The following CAB39 variants were observed in gnomAD, a reference collection of about 807,000 sequenced individuals.
The protein encoded by CAB39 is calcium-binding protein 39.
CAB39 carries 8 observed loss-of-function variants against 40.0 expected under a neutral mutation model. The observed-to-expected ratio is 0.20, with a 90% CI of 0.12 to 0.36. The LOEUF is 0.36. Among genes scored for constraint, CAB39 ranks in the 10% least tolerant of loss-of-function variants. The pLI is 1.00. For synonymous variants in CAB39, 156 were observed against 141.6 expected (o/e 1.10, Z -0.72); for missense variants, 270 against 401.1 (o/e 0.67, Z 2.79).
chr2:230,798,982 C>A, intron 5 of CAB39, 85 bp downstream of exon 5: 3 of 997,764 alleles, frequency 3.0e-6, no homozygotes, highest in Non-Finnish European at 4.4e-6. Context: ...CCTAAATCTA[C>A]ACGTGGCTGC....
rs72995226 is a variant in CAB39, at chr2:230,788,485, G to A, written c.115-2387G>A. Among the ~76,000 whole-genome samples the A allele has an allele frequency of 4.0e-3, 605 of 152,180 alleles. 5 individuals are homozygous for A. Among genetic ancestry groups the A allele is most frequent in the Non-Finnish European group, 7.0e-3 (476 of 67,982 alleles). ...AGAGCCAATTCTCTTTTAAATAAAA[G>A]GGAAAATTTTGTTTAATACTGTCTT... On this transcript the variant is annotated intron_variant, in intron 2 of 8. Transcript: ENST00000258418.
chr2:230,784,678 G>A (rs1177252539), intron 2 of CAB39, among the ~76,000 whole-genome samples: 1 of 152,170 alleles, frequency 6.6e-6, no homozygotes, highest in Non-Finnish European at 1.5e-5. Context: ...TCCGAATCCT[G>A]TGGAAAGTTC....
intron 1 of CAB39, among the ~76,000 whole-genome samples, chr2:230,716,607 G>T (rs1694354331): frequency 6.6e-6 from 1 of 152,116 alleles, no homozygotes; most frequent in Non-Finnish European, 1.5e-5. Flanking sequence ...TCATTCTGTT[G>T]CCCAGGCTGG....
At chr2:230,727,458 A>C (rs187789419) in intron 1 of CAB39, among the ~76,000 whole-genome samples, 15 of 133,518 alleles carry the variant, frequency 1.1e-4, no homozygotes, top group Non-Finnish European at 1.9e-4. Context: ...TCTATCACCC[A>C]CGCTGGAGTG....
intron 1 of CAB39, among the ~76,000 whole-genome samples, chr2:230,743,213 TC>T (rs1694914150): frequency 6.6e-6 from 1 of 152,148 alleles, no homozygotes; most frequent in Non-Finnish European, 1.5e-5. Context: ...TTCTTTCCCT[TC>T]ACTCACTCTA....
chr2:230,818,061 A>T, intron 8 of CAB39, 164 bp downstream of exon 8: 1 of 628,132 alleles, frequency 1.6e-6, no homozygotes, highest in Non-Finnish European at 2.7e-6. Context: ...AGAAAGGTAG[A>T]CCTGGAAACG....
chr2:230,753,230 T>G (rs1575921741), intron 1 of CAB39, among the ~76,000 whole-genome samples: 1 of 152,338 alleles, frequency 6.6e-6, no homozygotes, highest in East Asian at 1.9e-4. Flanking sequence ...CGGATTCAGC[T>G]TGCAGTGTTG....
At chr2:230,763,610 G>A (rs562500442) in intron 2 of CAB39, among the ~76,000 whole-genome samples, 1 of 151,396 alleles carries the variant, frequency 6.6e-6, no homozygotes, top group African/African-American at 2.4e-5. Flanking sequence ...AAACAAAGAC[G>A]AGAAAAAGAA....
intron 1 of CAB39, among the ~76,000 whole-genome samples, chr2:230,732,628 CAG>C (rs758747968): frequency 2.0e-4 from 31 of 152,054 alleles, no homozygotes; most frequent in Non-Finnish European, 4.1e-4. Context: ...GTGCATGAAT[CAG>C]GGTAAAATCG....
At chr2:230,778,232 A>G (rs1252428894) in intron 2 of CAB39, among the ~76,000 whole-genome samples, 5 of 152,136 alleles carry the variant, frequency 3.3e-5, no homozygotes, top group Non-Finnish European at 2.9e-5. Flanking sequence ...CTTGTATCTC[A>G]CCAAGTAAAG....
At chr2:230,805,648 A>G (rs980064364) in intron 5 of CAB39, among the ~76,000 whole-genome samples, 7 of 152,262 alleles carry the variant, frequency 4.6e-5, no homozygotes, top group Non-Finnish European at 5.9e-5. Flanking sequence ...CACAGTGTCT[A>G]TGCAGTAAAC....
Position 230,814,116 on chromosome 2 carries a change from T to C in CAB39, c.693+2T>C. On this transcript the variant is annotated splice_donor_variant, in intron 7 of 8. Transcript: ENST00000258418. LOFTEE classifies it high-confidence loss of function. ...GTGACAAAAAGACAGTCACTGAAGG[T>C]ATGACAGACCATTTTGTATAGCTTA... is the stretch of plus-strand genomic sequence containing the variant. 7.1e-7 allele frequency: 1 copy of C among 1,415,220 alleles called. No individual in the cohort carries two copies. Among genetic ancestry groups the C allele is most frequent in the Non-Finnish European group, 9.8e-7 (1 of 1,021,036 alleles). The allele number at this position is 1,415,220 out of a possible 1,614,324, so 87.7% of individuals were successfully genotyped here. A position where few individuals can be genotyped will look rare whatever the true frequency, so the allele number is the denominator to read the frequency against.
At chr2:230,749,008 T>C (rs749092611) in intron 1 of CAB39, among the ~76,000 whole-genome samples, 15 of 137,502 alleles carry the variant, frequency 1.1e-4, no homozygotes, top group Non-Finnish European at 2.3e-4. Flanking sequence ...CCCGCCCCCG[T>C]GTTTTTTTTT....
chr2:230,751,526 A>G (rs1203672424), intron 1 of CAB39, among the ~76,000 whole-genome samples: 1 of 152,212 alleles, frequency 6.6e-6, no homozygotes, highest in Non-Finnish European at 1.5e-5. Flanking sequence ...AGTGTGTCAC[A>G]TAACGCAAAA....
chr2:230,782,860 G>A (rs964512073), intron 2 of CAB39, among the ~76,000 whole-genome samples: 30 of 127,698 alleles, frequency 2.3e-4, no homozygotes, highest in Admixed American at 1.1e-3. Flanking sequence ...CCTCTCTGTC[G>A]CCCAGGCTGG....
chr2:230,760,171 C>T (rs1170269993), intron 2 of CAB39, 56 bp downstream of exon 2: 2 of 1,057,456 alleles, frequency 1.9e-6, no homozygotes, highest in South Asian at 1.4e-5. Flanking sequence ...ATGCAAGACA[C>T]CTTATATGAG....
At chr2:230,785,857 G>A (rs1220100179) in intron 2 of CAB39, among the ~76,000 whole-genome samples, 11 of 147,900 alleles carry the variant, frequency 7.4e-5, no homozygotes, top group African/African-American at 2.7e-4. Context: ...TAACTTTTGT[G>A]TTTTTTTTTT....
intron 2 of CAB39, among the ~76,000 whole-genome samples, chr2:230,764,545 C>T (rs1347743901): frequency 6.6e-6 from 1 of 152,196 alleles, no homozygotes; most frequent in African/African-American, 2.4e-5. Context: ...GATGTTGACA[C>T]ATTATACAGA....
chr2:230,786,356 G>C (rs985861336), intron 2 of CAB39, among the ~76,000 whole-genome samples: 1 of 147,614 alleles, frequency 6.8e-6, no homozygotes, highest in Admixed American at 6.8e-5. Flanking sequence ...TCCTTTTTTT[G>C]GGGGGTGGGG....
Sources: gnomAD v4.1 joint callset for allele counts (sites outside exome capture counted in the v4.1 genomes callset) on GRCh38, gnomAD v4.1.1 for gene constraint, MANE v1.5 for transcripts, NCBI Gene and HGNC (gene_info 2026-07-23, HGNC 2026-07-21) for gene names.